Variants in FBXO34 observed in about 807,000 individuals in gnomAD.
The protein encoded by FBXO34 is F-box protein 34.
In FBXO34, 12 loss-of-function variants were observed where a neutral mutation model predicts 24.5. That is an observed-to-expected ratio of 0.49 (90% CI 0.31 to 0.79). The LOEUF (loss-of-function observed/expected upper bound fraction) is 0.79, where lower values mean the gene tolerates loss of function less well. FBXO34 is among the 30% of genes least tolerant of loss of function. The pLI, the probability that FBXO34 is intolerant of heterozygous loss-of-function variation, is 0.04. For synonymous variants in FBXO34, 320 were observed against 311.9 expected (o/e 1.03, Z -0.27); for missense variants, 823 against 857.7 (o/e 0.96, Z 0.51).
In FBXO34 at chr14:55,338,918, AAAC is replaced by A. The variant is rs373874278; in HGVS notation, c.-10-11460_-10-11458del. ...GAGACTCCATCTCAAAAACAAAAAAAAACAAAAAAAAAAAAGCCAAAAAAAACC... is the reference window on the plus strand; with the variant it reads ...GAGACTCCATCTCAAAAACAAAAAAAAAAAAAAAAAAAGCCAAAAAAAACC... On this transcript the variant is annotated intron_variant, in intron 1 of 1. Transcript: ENST00000313833. Among the ~76,000 whole-genome samples, 818 of 132,802 alleles carry A rather than the reference AAAC, an allele frequency of 6.2e-3. 7 individuals carry two copies. The highest frequency in any genetic ancestry group is 0.02 in the African/African-American group (759 of 38,086). 87.1% of individuals were successfully genotyped at this position (132,802 alleles called of 152,430 possible). A position where few individuals can be genotyped will look rare whatever the true frequency, so the allele number is the denominator to read the frequency against.
chr14:55,439,071 G>A, the FBXO34 span, among the ~76,000 whole-genome samples: 1 of 151,700 alleles, frequency 6.6e-6, no homozygotes, highest in East Asian at 1.9e-4. Context: ...CCGAGTAGCT[G>A]GGACTACAGG....
At chr14:55,363,974 C>T (rs979984974), downstream of FBXO34, among the ~76,000 whole-genome samples, 1 of 150,628 alleles carries the variant, frequency 6.6e-6, no homozygotes, top group Non-Finnish European at 1.5e-5. Flanking sequence ...GACAGAGTTT[C>T]GCTCTTGTTG....
At chr14:55,355,986 G>A (rs1884517252), downstream of FBXO34, among the ~76,000 whole-genome samples, 1 of 152,196 alleles carries the variant, frequency 6.6e-6, no homozygotes, top group Non-Finnish European at 1.5e-5. Context: ...CAGCTATGTG[G>A]GGTTTGCTCG....
At chr14:55,338,981 C>T (rs1197381026) in intron 1 of FBXO34, among the ~76,000 whole-genome samples, 1 of 151,842 alleles carries the variant, frequency 6.6e-6, no homozygotes, top group Non-Finnish European at 1.5e-5. Flanking sequence ...ATACAAAATC[C>T]TTGCCATAAA....
intron 1 of FBXO34, among the ~76,000 whole-genome samples, chr14:55,289,533 A>G (rs960738911): frequency 4.0e-5 from 6 of 151,876 alleles, no homozygotes; most frequent in Admixed American, 3.3e-4. Flanking sequence ...GTATGTGTGT[A>G]TGTGTGTATA....
chr14:55,354,430 A>G (rs2140097250), downstream of FBXO34: 1 of 152,352 alleles, frequency 6.6e-6, no homozygotes, highest in East Asian at 1.9e-4. Context: ...GCTATGGCTG[A>G]CATTGACTAT....
At chr14:55,294,943 G>GC (rs1246503456) in intron 1 of FBXO34, among the ~76,000 whole-genome samples, 1 of 152,180 alleles carries the variant, frequency 6.6e-6, no homozygotes, top group Non-Finnish European at 1.5e-5. Flanking sequence ...GCTTAGCCTA[G>GC]CCTACCTTAA....
chr14:55,433,295 C>G, the FBXO34 span, among the ~76,000 whole-genome samples: 1 of 138,288 alleles, frequency 7.2e-6, no homozygotes, highest in Admixed American at 7.4e-5. Context: ...CATCCAGCTA[C>G]TTTTTAGATT....
downstream of FBXO34, chr14:55,369,405 CCT>C (rs1220945226): frequency 2.3e-6 from 1 of 426,130 alleles, no homozygotes; most frequent in Non-Finnish European, 4.1e-6. Flanking sequence ...ACCTTCGACC[CCT>C]GTTCTCTTAA....
intron 1 of FBXO34, among the ~76,000 whole-genome samples, chr14:55,344,237 G>A (rs148957153): frequency 2.3e-4 from 35 of 152,084 alleles, no homozygotes; most frequent in African/African-American, 7.0e-4. Context: ...CTTCCTCACA[G>A]CAGGGTCACC....
At chr14:55,328,338 G>T (rs1883420817) in intron 1 of FBXO34, among the ~76,000 whole-genome samples, 1 of 152,102 alleles carries the variant, frequency 6.6e-6, no homozygotes, top group Middle Eastern at 3.2e-3. Context: ...TGGCATATGT[G>T]AATTGGCCAG....
At chr14:55,388,967 C>T in the FBXO34 span, among the ~76,000 whole-genome samples, 40 of 151,698 alleles carry the variant, frequency 2.6e-4, no homozygotes, top group African/African-American at 9.0e-4. Flanking sequence ...TTCAACATGG[C>T]GATTTGACAT....
At chr14:55,428,943 A>G in the FBXO34 span, 2 of 1,613,948 alleles carry the variant, frequency 1.2e-6, no homozygotes, top group East Asian at 4.5e-5. Flanking sequence ...ACACGAGCAT[A>G]TTTTCTTGCT....
chr14:55,281,848 A>G (rs1881554644), intron 1 of FBXO34, among the ~76,000 whole-genome samples: 1 of 152,066 alleles, frequency 6.6e-6, no homozygotes, highest in African/African-American at 2.4e-5. Context: ...AGCTTCATAT[A>G]TTATCCCTGA....
intron 1 of FBXO34, among the ~76,000 whole-genome samples, chr14:55,338,048 CTTTTTT>C (rs58194693): frequency 2.3e-5 from 2 of 88,266 alleles, no homozygotes; most frequent in East Asian, 8.9e-4. Context: ...GTATGTACTT[CTTTTTT>C]TTTTTTTTTT....
chr14:55,301,996 A>G (rs1266245138), intron 1 of FBXO34, among the ~76,000 whole-genome samples: 2 of 152,246 alleles, frequency 1.3e-5, no homozygotes, highest in African/African-American at 2.4e-5. Context: ...ATTACCAGCA[A>G]GGCAGAGTGG....
the FBXO34 span, among the ~76,000 whole-genome samples, chr14:55,402,376 TA>T: frequency 5.8e-3 from 875 of 151,200 alleles, 13 homozygotes; most frequent in African/African-American, 0.019. Context: ...ATTGAGGGCC[TA>T]AAAAAAAATA....
intron 1 of FBXO34, among the ~76,000 whole-genome samples, chr14:55,332,329 A>C (rs11844441): frequency 0.1 from 15,377 of 151,876 alleles, 2,156 homozygotes; most frequent in African/African-American, 0.32. Context: ...CATTCCATAC[A>C]TAGTAGCAAT....
intron 1 of FBXO34, among the ~76,000 whole-genome samples, chr14:55,331,715 ATG>A (rs1232810718): frequency 0.012 from 559 of 45,628 alleles, 146 homozygotes; most frequent in African/African-American, 0.084. Flanking sequence ...GTATATATAT[ATG>A]TATATATATA....
Sources: allele counts gnomAD v4.1 joint callset (sites outside exome capture counted in the v4.1 genomes callset), GRCh38; gene constraint gnomAD v4.1.1; transcripts MANE v1.5; gene names NCBI Gene and HGNC (gene_info 2026-07-23, HGNC 2026-07-21).